CSMD2: variants seen among roughly 807,000 people sequenced by gnomAD.
The protein encoded by CSMD2 is CUB and sushi domain-containing protein 2.
A neutral mutation model predicts 398.5 loss-of-function variants in CSMD2; 130 were observed. The observed-to-expected ratio is 0.33, with a 90% confidence interval of 0.28 to 0.38. CSMD2 has a LOEUF of 0.38. Ranked by LOEUF, CSMD2 falls within the 10% of genes least tolerant of loss-of-function variation. The pLI, the probability that CSMD2 is intolerant of heterozygous loss-of-function variation, is 1.00. For missense variants in CSMD2, 3,829 were observed against 4,764.9 expected, an observed-to-expected ratio of 0.80 and a Z score of 5.78; for synonymous variants, 1,828 against 1,908.5, an observed-to-expected ratio of 0.96 and a Z score of 1.10.
intron 5 of CSMD2, among the ~76,000 whole-genome samples, chr1:33,903,377 T>C (rs1444307698): frequency 6.6e-6 from 1 of 152,024 alleles, no homozygotes; most frequent in Non-Finnish European, 1.5e-5. Flanking sequence ...TTGCATAATT[T>C]AAGATCCTTT....
At chr1:33,896,412 C>T (rs1444194249) in intron 5 of CSMD2, among the ~76,000 whole-genome samples, 1 of 152,160 alleles carries the variant, frequency 6.6e-6, no homozygotes, top group Non-Finnish European at 1.5e-5. Flanking sequence ...GGTGAGGTCA[C>T]ACCAAGATTC....
At chr1:33,766,546 G>T (rs1650525317) in intron 13 of CSMD2, among the ~76,000 whole-genome samples, 1 of 152,166 alleles carries the variant, frequency 6.6e-6, no homozygotes, top group African/African-American at 2.4e-5. Flanking sequence ...TTATATAATG[G>T]TGTCTATCTC....
At chr1:33,564,654 C>G (rs1039080032) in intron 53 of CSMD2, among the ~76,000 whole-genome samples, 2 of 152,216 alleles carry the variant, frequency 1.3e-5, no homozygotes, top group African/African-American at 4.8e-5. Flanking sequence ...CCTCCGACCT[C>G]AGCCTCCTGA....
At position 33,739,228 on chromosome 1, in the gene CSMD2, G is replaced by T; in HGVS notation, c.2280C>A (p.Gly760=). The T allele has an allele frequency of 6.2e-7, 1 of 1,614,226 alleles. No homozygotes were observed. The highest frequency in any genetic ancestry group is 8.5e-7 in the Non-Finnish European group (1 of 1,180,030). The part of the protein sequence containing the change: ...GSSISFLCDE[G]FLGTQGSETI... ...TCTCTGAGCCCTGAGTCCCAAGGAA[G>T]CCTTCATCACAGAGGAAGGAGATGG... The change falls in exon 15 of 71, where the codon GGC becomes GGA. Residue 760 remains glycine (G), a synonymous_variant. Transcript: ENST00000373381.
chr1:33,522,751 C>G (rs1252615242), intron 67 of CSMD2, among the ~76,000 whole-genome samples: 1 of 152,190 alleles, frequency 6.6e-6, no homozygotes, highest in Non-Finnish European at 1.5e-5. Context: ...CTCAACTCCA[C>G]TATGTGTGAA....
In CSMD2 at chr1:33,580,745, T is replaced by C. The variant is rs1372191620; in HGVS notation, c.7387+8A>G. On this transcript the variant is annotated splice_region_variant and intron_variant, in intron 48 of 70. Transcript: ENST00000373381. Reference sequence around the variant, plus strand: ...GGCCTGTGGCTTATTTGTGTTTTTTTCACTCACCTGAATAGCGGATCTTGA... The same window carrying C: ...GGCCTGTGGCTTATTTGTGTTTTTTCCACTCACCTGAATAGCGGATCTTGA... 6.2e-7 allele frequency: 1 copy of C among 1,614,102 alleles called. No individual in the cohort carries two copies. Among genetic ancestry groups the C allele is most frequent in the Admixed American group, 1.7e-5 (1 of 60,026 alleles).
At chr1:33,744,166 T>C (rs61133698) in intron 13 of CSMD2, among the ~76,000 whole-genome samples, 10,801 of 152,010 alleles carry the variant, frequency 0.071, 941 homozygotes, top group African/African-American at 0.19. Context: ...AAGTGTAGAG[T>C]CACAGTCCCT....
intron 2 of CSMD2, among the ~76,000 whole-genome samples, chr1:34,085,907 C>T (rs1199955510): frequency 6.6e-6 from 1 of 151,658 alleles, no homozygotes; most frequent in African/African-American, 2.4e-5. Context: ...TTCCCACAGA[C>T]TGTGTGAGAA....
At position 33,541,138 on chromosome 1, in the gene CSMD2, A is replaced by G. The variant is rs1445349738; in HGVS notation, c.9449T>C (p.Val3150Ala). ...KDRTWNGTKP[V>A]CKALMCKPPP... The stretch of plus-strand genomic sequence containing the variant: ...TGCAGCCCCAGACACACCTTTGCAG[A>G]CGGGCTTGGTTCCATTCCATGTCCG... Residue 3150 changes from valine (V) to alanine (A), a missense_variant, in exon 59 of 71, where the codon GTC becomes GCC. Around this residue, in one of 5 missense-constraint regions of CSMD2, gnomAD observed 917 missense variants for 1,199.5 expected, o/e 0.76. Transcript: ENST00000373381. The G allele has an allele frequency of 6.2e-7, 1 of 1,613,880 alleles. No individual in the cohort carries two copies. The highest frequency in any genetic ancestry group is 1.3e-5 in the African/African-American group (1 of 75,018).
intron 2 of CSMD2, among the ~76,000 whole-genome samples, chr1:34,035,467 C>G (rs1026180990): frequency 6.6e-6 from 1 of 151,948 alleles, no homozygotes; most frequent in Non-Finnish European, 1.5e-5. Context: ...AAAATATTGG[C>G]AAGGAGAATT....
upstream of CSMD2, chr1:34,165,734 T>A: frequency 6.2e-7 from 1 of 1,613,458 alleles, no homozygotes; most frequent in South Asian, 1.1e-5. Context: ...GTTCCCCAAG[T>A]CTTGGCTCTT....
chr1:33,948,608 T>C (rs888037987), intron 3 of CSMD2, among the ~76,000 whole-genome samples: 8 of 152,246 alleles, frequency 5.3e-5, no homozygotes, highest in Non-Finnish European at 7.3e-5. Flanking sequence ...CTCATGTTTA[T>C]GTACAAGCCA....
chr1:33,989,013 C>CATATATAT (rs71029018), intron 3 of CSMD2, among the ~76,000 whole-genome samples: 2 of 94,854 alleles, frequency 2.1e-5, no homozygotes, highest in Non-Finnish European at 4.4e-5. Context: ...TCTCTCTCTC[C>CATATATAT]ATATATATAT....
rs1471523124 is a variant in CSMD2 at position 33,709,070 on chromosome 1, T to G, written c.3576+19A>C. 5.0e-6 allele frequency: 8 copies of G among 1,600,942 alleles called. No individual in the cohort carries two copies. The East Asian group carries it at 1.3e-4, about 27-fold the overall frequency. On this transcript the variant is annotated intron_variant, in intron 22 of 70. Coordinates refer to ENST00000373381, the MANE Select transcript of CSMD2 (RefSeq NM_001281956.2). ...ATTGCATACTATAACACACATACTC[T>G]GAAATCGATCAATTTTACCTTGAGG...
At chr1:34,077,913 G>A (rs1656619822) in intron 2 of CSMD2, among the ~76,000 whole-genome samples, 1 of 152,088 alleles carries the variant, frequency 6.6e-6, no homozygotes, top group Non-Finnish European at 1.5e-5. Flanking sequence ...TAAAGAACCA[G>A]CACATGTAAC....
At chr1:33,964,114 A>G (rs1342088004) in intron 3 of CSMD2, among the ~76,000 whole-genome samples, 1 of 152,204 alleles carries the variant, frequency 6.6e-6, no homozygotes, top group African/African-American at 2.4e-5. Flanking sequence ...GGGGATTAGA[A>G]CAACTGCTCT....
intron 4 of CSMD2, among the ~76,000 whole-genome samples, chr1:33,926,498 C>G (rs1570528886): frequency 1.3e-5 from 2 of 152,180 alleles, no homozygotes. Context: ...ACCATTTTAG[C>G]CATCCCTGCC....
chr1:33,842,444 C>T (rs914859786), intron 6 of CSMD2, among the ~76,000 whole-genome samples: 7 of 152,198 alleles, frequency 4.6e-5, no homozygotes, highest in Admixed American at 2.6e-4. Flanking sequence ...TCAAGCCCAA[C>T]TCTACTGAGA....
intron 2 of CSMD2, among the ~76,000 whole-genome samples, chr1:34,045,736 C>T (rs1652447075): frequency 1.3e-5 from 2 of 152,196 alleles, no homozygotes; most frequent in Non-Finnish European, 2.9e-5. Context: ...AGAAGCACTA[C>T]GTTCAGAATG....
Sources: gnomAD v4.1 joint callset for allele counts (sites outside exome capture counted in the v4.1 genomes callset) on GRCh38, gnomAD v4.1.1 for gene constraint, gnomAD v4.1.1 regional missense constraint, MANE v1.5 for transcripts, NCBI Gene and HGNC (gene_info 2026-07-23, HGNC 2026-07-21) for gene names.